DGKI: variants seen among roughly 807,000 people sequenced by gnomAD.
The protein encoded by DGKI is DAG kinase iota.
Under a neutral mutation model 147.5 loss-of-function variants are expected in DGKI, and 55 were observed. The observed-to-expected ratio is 0.37, with a 90% CI of 0.30 to 0.47. The LOEUF is 0.47. Ranked by LOEUF, DGKI falls within the 20% of genes least tolerant of loss-of-function variation. The pLI is 1.00. For synonymous variants in DGKI, 469 were observed against 477.1 expected (o/e 0.98, Z 0.22); for missense variants, 1,007 against 1,323.8 (o/e 0.76, Z 3.71).
At chr7:137,505,480 A>T (rs1363804934) in intron 21 of DGKI, among the ~76,000 whole-genome samples, 3 of 152,204 alleles carry the variant, frequency 2.0e-5, no homozygotes, top group African/African-American at 7.2e-5. Flanking sequence ...CCTAGATACA[A>T]ATTGTGAGTG....
intron 1 of DGKI, among the ~76,000 whole-genome samples, chr7:137,837,544 G>A (rs985782956): frequency 6.6e-6 from 1 of 152,200 alleles, no homozygotes; most frequent in South Asian, 2.1e-4. Flanking sequence ...GTTCTAGAAG[G>A]TGGGGCCACT....
rs1279392924 is a variant in DGKI at position 137,384,062 on chromosome 7, T to C, written c.*7158A>G. 6.6e-6 allele frequency: 1 copy of C among 152,066 alleles called. No homozygotes were observed. The highest frequency in any genetic ancestry group is 2.4e-5 in the African/African-American group (1 of 41,428). 9.4% of individuals were successfully genotyped at this position (152,066 alleles called of 1,614,324 possible). On this transcript the variant is annotated 3_prime_UTR_variant, in exon 33 of 33. Coordinates refer to ENST00000614521, the MANE Select transcript of DGKI (RefSeq NM_001321708.2). ...AACACTTAGCTTGCATACCCACCCA[T>C]AAACTTAGAGCAATAGAGTCTTGGA...
chr7:137,734,282 T>C (rs538456835), intron 1 of DGKI, among the ~76,000 whole-genome samples: 1 of 152,164 alleles, frequency 6.6e-6, no homozygotes, highest in African/African-American at 2.4e-5. Flanking sequence ...ATGATAAAAA[T>C]CTAAAAATCT....
rs778427768 is a variant in DGKI, at chr7:137,572,863, G to A, written c.1762-25C>T. ...ACTGAAACAATGAAAACAGAAAAGG[G>A]GTTTTGAAGTAGTCACAAGTCTAAA... On this transcript the variant is annotated intron_variant, in intron 17 of 32. Coordinates refer to ENST00000614521, the MANE Select transcript of DGKI (RefSeq NM_001321708.2). 3.8e-6 allele frequency: 6 copies of A among 1,561,298 alleles called. No individual in the cohort carries two copies. In the South Asian group the frequency reaches 6.9e-5, roughly 18 times the overall value.
chr7:137,839,708 T>C (rs1798491928), intron 1 of DGKI, among the ~76,000 whole-genome samples: 1 of 152,214 alleles, frequency 6.6e-6, no homozygotes, highest in Non-Finnish European at 1.5e-5. Flanking sequence ...TGAAATTTAA[T>C]TGTGGTTTAA....
intron 1 of DGKI, among the ~76,000 whole-genome samples, chr7:137,755,326 T>C (rs1333601183): frequency 6.6e-6 from 1 of 152,182 alleles, no homozygotes; most frequent in Non-Finnish European, 1.5e-5. Flanking sequence ...GGCCAATCCA[T>C]GGCAAAGATT....
chr7:137,741,561 T>C (rs917243154), intron 1 of DGKI, among the ~76,000 whole-genome samples: 3 of 152,206 alleles, frequency 2.0e-5, no homozygotes, highest in African/African-American at 2.4e-5. Context: ...AAAGATTTCA[T>C]TGGAATGCAT....
chr7:137,674,436 C>T (rs1424368), intron 3 of DGKI, among the ~76,000 whole-genome samples: 7,225 of 152,178 alleles, frequency 0.047, 515 homozygotes, highest in African/African-American at 0.16. Flanking sequence ...CATAGATGCC[C>T]TAATGTCCCA....
chr7:137,563,493 C>G (rs1310045555), intron 19 of DGKI, among the ~76,000 whole-genome samples: 3 of 151,640 alleles, frequency 2.0e-5, no homozygotes, highest in Non-Finnish European at 4.4e-5. Context: ...CAGTAAAACT[C>G]TATTTCAAAC....
chr7:137,510,088 G>A (rs144164318), intron 21 of DGKI, among the ~76,000 whole-genome samples: 8 of 152,288 alleles, frequency 5.3e-5, no homozygotes, highest in African/African-American at 7.2e-5. Context: ...CGCATTGACC[G>A]TGGTTATCCA....
intron 27 of DGKI, among the ~76,000 whole-genome samples, chr7:137,446,604 T>C (rs1043262516): frequency 6.6e-6 from 1 of 152,100 alleles, no homozygotes; most frequent in African/African-American, 2.4e-5. Flanking sequence ...TGGGTGCCTG[T>C]AATCCCAGCT....
In DGKI at chr7:137,464,557, T is replaced by TC. The variant is rs199982420; in HGVS notation, c.2613-947dup. Reference sequence around the variant, plus strand: ...GGTTACCCCTTGTGCCTGTCGGCCTTCCCCCATGCTCTGACATCGCAGCTC... The same window carrying TC: ...GGTTACCCCTTGTGCCTGTCGGCCTTCCCCCCATGCTCTGACATCGCAGCTC... On this transcript the variant is annotated intron_variant, in intron 26 of 32. Coordinates refer to ENST00000614521, the MANE Select transcript of DGKI (RefSeq NM_001321708.2). Among the ~76,000 whole-genome samples, 188 of 152,246 alleles carry TC rather than the reference T, an allele frequency of 1.2e-3. 2 individuals carry two copies. The highest frequency in any genetic ancestry group is 9.9e-3 in the Admixed American group (152 of 15,292).
At chr7:137,744,501 C>A (rs1420235597) in intron 1 of DGKI, among the ~76,000 whole-genome samples, 1 of 152,128 alleles carries the variant, frequency 6.6e-6, no homozygotes, top group African/African-American at 2.4e-5. Flanking sequence ...TACTGATACT[C>A]TTCCAAAAAA....
intron 1 of DGKI, among the ~76,000 whole-genome samples, chr7:137,735,013 C>T (rs917076812): frequency 2.0e-5 from 3 of 152,046 alleles, no homozygotes; most frequent in Non-Finnish European, 4.4e-5. Flanking sequence ...CCCTGGGTGG[C>T]TCCTTTCTCA....
intron 23 of DGKI, among the ~76,000 whole-genome samples, chr7:137,480,207 C>A (rs1815325051): frequency 6.6e-6 from 1 of 152,138 alleles, no homozygotes; most frequent in African/African-American, 2.4e-5. Context: ...CCTCATTTGA[C>A]CCATTTCTGA....
chr7:137,643,754 G>C lies in DGKI; in HGVS notation c.804+1718C>G, dbSNP rs74806570. On this transcript the variant is annotated intron_variant, in intron 6 of 32. Coordinates refer to ENST00000614521, the MANE Select transcript of DGKI (RefSeq NM_001321708.2). ...CCTGTTCAGTTGACCATGCCAACAA[G>C]AGGCCAGAAGAGAGTGCAATATGGC... Among the ~76,000 whole-genome samples the C allele has an allele frequency of 1.5e-4, 23 of 152,270 alleles. No individual in the cohort carries two copies. The East Asian group carries it at 3.5e-3, about 23-fold the overall frequency.
At chr7:137,462,398 A>G (rs1007357774) in intron 27 of DGKI, among the ~76,000 whole-genome samples, 5 of 152,186 alleles carry the variant, frequency 3.3e-5, no homozygotes, top group Admixed American at 2.6e-4. Context: ...ATCCATAGTA[A>G]TTCATTGTTG....
intron 1 of DGKI, among the ~76,000 whole-genome samples, chr7:137,717,623 T>G (rs1469200669): frequency 6.6e-6 from 1 of 152,152 alleles, no homozygotes; most frequent in Non-Finnish European, 1.5e-5. Flanking sequence ...AATATTTTTA[T>G]GTTGATTTTT....
chr7:137,638,578 A>ATATATGTG (rs1821473525), intron 6 of DGKI, among the ~76,000 whole-genome samples: 6 of 70,044 alleles, frequency 8.6e-5, no homozygotes, highest in African/African-American at 3.5e-4. Flanking sequence ...ACATATATGT[A>ATATATGTG]TATATACACA....
Sources: allele counts gnomAD v4.1 joint callset (sites outside exome capture counted in the v4.1 genomes callset), GRCh38; gene constraint gnomAD v4.1.1; transcripts MANE v1.5; gene names NCBI Gene and HGNC (gene_info 2026-07-23, HGNC 2026-07-21).